MEGF6: variants seen among roughly 807,000 people sequenced by gnomAD.
The protein encoded by MEGF6 is multiple epidermal growth factor-like domains protein 6.
A neutral mutation model predicts 207.1 loss-of-function variants in MEGF6; 184 were observed. The observed-to-expected ratio is 0.89, with a 90% CI of 0.79 to 1.00. The LOEUF (loss-of-function observed/expected upper bound fraction) is 1.00, where lower values mean the gene tolerates loss of function less well. Among genes scored for constraint, MEGF6 ranks in the 50% least tolerant of loss-of-function variants. MEGF6 has a pLI of 0.00. For missense variants in MEGF6, 2,282 were observed against 2,202.9 expected (o/e 1.04, Z -0.72); for synonymous variants, 1,038 against 910.0 (o/e 1.14, Z -2.53).
upstream of MEGF6, among the ~76,000 whole-genome samples, chr1:3,615,012 T>TAA (rs777418086): frequency 5.3e-5 from 8 of 152,222 alleles, no homozygotes; most frequent in Non-Finnish European, 7.3e-5. Context: ...CATGACAGCT[T>TAA]ATCAGGAGCT....
intron 34 of MEGF6, 192 bp from the exon 35 acceptor site, chr1:3,492,959 G>T: frequency 1.5e-6 from 1 of 677,626 alleles, no homozygotes; most frequent in Non-Finnish European, 2.4e-6. Context: ...GCCTTCCTCA[G>T]CTACATTCTG....
chr1:3,492,596 G>A, intron 35 of MEGF6, 43 bp downstream of exon 35: 1 of 1,594,558 alleles, frequency 6.3e-7, no homozygotes, highest in East Asian at 2.3e-5. Flanking sequence ...AGGCTGATTG[G>A]GGGATGGTGC....
In MEGF6 at chr1:3,499,611, C is replaced by A; in HGVS notation, c.2942G>T (p.Arg981Leu). ...VNGSCLCPAG[R>L]RGPRCAETCP... is the part of the protein sequence containing the mutation. Reference sequence around the variant, plus strand: ...ACTCTCGGCACAGCGGGGGCCCCGGCGGCCAGCGGGGCAGAGGCAGGAGCC... The same window carrying A: ...ACTCTCGGCACAGCGGGGGCCCCGGAGGCCAGCGGGGCAGAGGCAGGAGCC... The change falls in exon 23 of 37, where the codon CGC becomes CTC. Residue 981 changes from arginine (R) to leucine (L), a missense_variant. Arg to Leu is a moderately radical substitution (Grantham distance 102, BLOSUM62 -2). Coordinates refer to ENST00000356575, the MANE Select transcript of MEGF6 (RefSeq NM_001409.4). 1.3e-6 allele frequency: 2 copies of A among 1,585,236 alleles called. No homozygotes were observed. Among genetic ancestry groups the A allele is most frequent in the Non-Finnish European group, 1.7e-6 (2 of 1,166,846 alleles).
intron 5 of MEGF6, among the ~76,000 whole-genome samples, chr1:3,518,587 G>A (rs1380649799): frequency 1.3e-5 from 2 of 152,234 alleles, no homozygotes; most frequent in East Asian, 3.9e-4. Context: ...GGCAGGGGCT[G>A]GACACAGGCC....
At chr1:3,549,875 C>G (rs1642828995) in intron 4 of MEGF6, among the ~76,000 whole-genome samples, 1 of 152,206 alleles carries the variant, frequency 6.6e-6, no homozygotes, top group East Asian at 1.9e-4. Flanking sequence ...CAGGGATGAT[C>G]CAAGCACAGG....
chr1:3,497,236 G>A lies in MEGF6; in HGVS notation c.3478C>T (p.Gln1160Ter). The A allele has an allele frequency of 6.5e-7, 1 of 1,529,630 alleles. No homozygotes were observed. 94.8% of individuals were successfully genotyped at this position (1,529,630 alleles called of 1,614,324 possible). The part of the protein sequence containing the change: ...PPGFTGSGCE[Q>*]ACPPGSFGED... The stretch of plus-strand genomic sequence containing the variant: ...GTGGGGGCTTGGGAGCACCTACCCT[G>A]CTCGCAGCCGGAGCCAGTGAAGCCA... The change falls in exon 27 of 37, where the codon CAG becomes TAG. Residue 1160 changes from glutamine (Q) to a stop codon, truncating the protein, a stop_gained. Coordinates refer to ENST00000356575, the MANE Select transcript of MEGF6 (RefSeq NM_001409.4). LOFTEE classifies it high-confidence loss of function.
At chr1:3,540,455 G>C (rs1642480767) in intron 4 of MEGF6, among the ~76,000 whole-genome samples, 1 of 152,230 alleles carries the variant, frequency 6.6e-6, no homozygotes, top group African/African-American at 2.4e-5. Context: ...CAACCGGAAG[G>C]CCCAGGTTCA....
At chr1:3,494,286 T>C in intron 32 of MEGF6, 85 bp downstream of exon 32, 1 of 1,480,208 alleles carries the variant, frequency 6.8e-7, no homozygotes, top group Admixed American at 2.2e-5. Context: ...CCCCACCACT[T>C]CACTGCTGCC....
chr1:3,500,041 C>T (rs1035798617), intron 21 of MEGF6, 117 bp from the exon 22 acceptor site: 24 of 1,387,756 alleles, frequency 1.7e-5, no homozygotes, highest in Non-Finnish European at 2.2e-5. Flanking sequence ...ATGAGAAGCC[C>T]CTTCCTGCCC....
chr1:3,503,759 G>A (rs1640996853), intron 17 of MEGF6, among the ~76,000 whole-genome samples: 2 of 151,496 alleles, frequency 1.3e-5, no homozygotes, highest in African/African-American at 4.8e-5. Context: ...TGGGGGTGGG[G>A]AGCGGGAGGA....
rs917204712 is a variant in MEGF6 at position 3,564,879 on chromosome 1, C to T, written c.481+14946G>A. Among the ~76,000 whole-genome samples the T allele has an allele frequency of 1.3e-4, 20 of 152,292 alleles. 1 individual carries two copies. Among genetic ancestry groups the T allele is most frequent in the African/African-American group, 3.8e-4 (16 of 41,564 alleles). ...TGAGGCCCCGCCATCCCCACTACCA[C>T]GGTCCCGCTCTGGCCGAGGCATTTT... On this transcript the variant is annotated intron_variant, in intron 4 of 36. Coordinates refer to ENST00000356575, the MANE Select transcript of MEGF6 (RefSeq NM_001409.4).
In MEGF6 at chr1:3,606,278, C is replaced by A. The variant is rs772250686; in HGVS notation, c.132-3678G>T. Among the ~76,000 whole-genome samples the A allele has an allele frequency of 7.2e-5, 11 of 152,162 alleles. 1 individual carries two copies. Among genetic ancestry groups the A allele is most frequent in the Non-Finnish European group, 1.5e-4 (10 of 68,018 alleles). ...TGGGCCCCACCCTGGACCACTGAAT[C>A]CAGGACTCTGGGGGTGGGGCCCAGC... On this transcript the variant is annotated intron_variant, in intron 1 of 36. Transcript: ENST00000356575.
Position 3,540,261 on chromosome 1 carries a change from C to T in MEGF6, c.482-16015G>A, listed in dbSNP as rs544361923. Reference sequence around the variant, plus strand: ...GAGTCGGAAATGAAAGCTTTTCACTCGCAGCGCCTCGGACGGAGCAGGCCT... The same window carrying T: ...GAGTCGGAAATGAAAGCTTTTCACTTGCAGCGCCTCGGACGGAGCAGGCCT... On this transcript the variant is annotated intron_variant, in intron 4 of 36. Transcript: ENST00000356575. Among the ~76,000 whole-genome samples the T allele has an allele frequency of 1.2e-4, 19 of 152,358 alleles. No homozygotes were observed. The South Asian group carries it at 2.1e-3, about 17-fold the overall frequency.
chr1:3,607,832 G>C (rs1230403976), intron 1 of MEGF6, among the ~76,000 whole-genome samples: 5 of 152,250 alleles, frequency 3.3e-5, no homozygotes, highest in African/African-American at 4.8e-5. Flanking sequence ...CTCCCGAGCA[G>C]AGCCGGGGCT....
intron 4 of MEGF6, among the ~76,000 whole-genome samples, chr1:3,575,531 G>A (rs559230898): frequency 6.6e-6 from 1 of 152,292 alleles, no homozygotes; most frequent in East Asian, 1.9e-4. Context: ...ACATACCCTA[G>A]ACTGGGCAAT....
At chr1:3,569,765 C>T (rs1262868447) in intron 4 of MEGF6, among the ~76,000 whole-genome samples, 8 of 152,248 alleles carry the variant, frequency 5.3e-5, no homozygotes, top group Admixed American at 5.2e-4. Flanking sequence ...ACTCACCAGG[C>T]AGCACAGGGG....
chr1:3,589,506 C>T (rs902684678), intron 3 of MEGF6, among the ~76,000 whole-genome samples: 2 of 152,162 alleles, frequency 1.3e-5, no homozygotes, highest in African/African-American at 2.4e-5. Context: ...CACCACCACC[C>T]GGACAGAGGA....
intron 4 of MEGF6, chr1:3,531,153 G>A (rs891762952): frequency 2.6e-6 from 4 of 1,527,322 alleles, no homozygotes; most frequent in African/African-American, 1.4e-5. Flanking sequence ...CCCTCCAGAG[G>A]TAGCGGTAGT....
chr1:3,528,512 CAGAGGG>C (rs1469342330), intron 4 of MEGF6, among the ~76,000 whole-genome samples: 2 of 152,210 alleles, frequency 1.3e-5, no homozygotes, highest in Non-Finnish European at 2.9e-5. Flanking sequence ...CCTCATATGG[CAGAGGG>C]ACCTACCTTT....
Sources: allele counts gnomAD v4.1 joint callset (sites outside exome capture counted in the v4.1 genomes callset), GRCh38; gene constraint gnomAD v4.1.1; transcripts MANE v1.5; gene names NCBI Gene and HGNC (gene_info 2026-07-23, HGNC 2026-07-21).